PCDH9: variants seen among roughly 807,000 people sequenced by gnomAD.
The protein encoded by PCDH9 is protocadherin 9, also known as protocadherin-9.
A neutral mutation model predicts 70.6 loss-of-function variants in PCDH9; 24 were observed. The ratio of observed to expected loss-of-function variants is 0.34; its 90% CI spans 0.25 to 0.48. The LOEUF (loss-of-function observed/expected upper bound fraction) is 0.48, where lower values mean the gene tolerates loss of function less well. Among genes scored for constraint, PCDH9 ranks in the 20% least tolerant of loss-of-function variants. The probability of loss-of-function intolerance (pLI) is 0.99; values close to 1 mark genes in which losing one functional copy is unlikely to be tolerated. For missense variants in PCDH9, 1,281 were observed against 1,503.6 expected (o/e 0.85, Z 2.45); for synonymous variants, 562 against 558.5 (o/e 1.01, Z -0.09).
At chr13:66,469,023 G>C (rs1472408888) in intron 4 of PCDH9, among the ~76,000 whole-genome samples, 1 of 152,086 alleles carries the variant, frequency 6.6e-6, no homozygotes, top group East Asian at 1.9e-4. Flanking sequence ...TTGCACATGG[G>C]TGTGATTTTT....
At chr13:66,389,832 A>G (rs1427001848) in intron 4 of PCDH9, among the ~76,000 whole-genome samples, 2 of 152,198 alleles carry the variant, frequency 1.3e-5, no homozygotes, top group Non-Finnish European at 1.5e-5. Context: ...TATTCCAGAC[A>G]GTGATTTTGC....
intron 2 of PCDH9, among the ~76,000 whole-genome samples, chr13:66,921,330 C>T (rs529875510): frequency 3.3e-5 from 5 of 151,152 alleles, no homozygotes; most frequent in South Asian, 4.2e-4. Context: ...ATTGTATTTA[C>T]GTGAGAGAAA....
intron 4 of PCDH9, among the ~76,000 whole-genome samples, chr13:66,567,105 T>C (rs2076663940): frequency 6.6e-6 from 1 of 152,086 alleles, no homozygotes; most frequent in Non-Finnish European, 1.5e-5. Context: ...CTTTAGCCAG[T>C]CCTAAAGGAA....
intron 2 of PCDH9, among the ~76,000 whole-genome samples, chr13:66,938,764 A>G (rs2082958448): frequency 6.6e-6 from 1 of 152,204 alleles, no homozygotes; most frequent in Non-Finnish European, 1.5e-5. Context: ...TTGTTAAATT[A>G]ATATAATCAC....
At chr13:66,773,395 G>A (rs1006177263) in intron 3 of PCDH9, among the ~76,000 whole-genome samples, 10 of 152,044 alleles carry the variant, frequency 6.6e-5, no homozygotes, top group Non-Finnish European at 8.8e-5. Context: ...TTGGGAGGCC[G>A]GGGCGGGTGG....
intron 3 of PCDH9, among the ~76,000 whole-genome samples, chr13:66,848,095 C>T (rs1055679275): frequency 3.9e-5 from 6 of 152,034 alleles, no homozygotes; most frequent in Admixed American, 6.6e-5. Flanking sequence ...TGTATTTCAG[C>T]GTATCTCCTA....
At chr13:66,780,143 A>G (rs1424474309) in intron 3 of PCDH9, among the ~76,000 whole-genome samples, 4 of 152,010 alleles carry the variant, frequency 2.6e-5, no homozygotes, top group Non-Finnish European at 5.9e-5. Flanking sequence ...GAGATGATGC[A>G]TAAGTATGAT....
At chr13:66,809,067 C>G (rs970559403) in intron 3 of PCDH9, among the ~76,000 whole-genome samples, 2 of 152,174 alleles carry the variant, frequency 1.3e-5, no homozygotes, top group Admixed American at 1.3e-4. Context: ...CCTGCCTCAG[C>G]CTCCTGAGTA....
chr13:66,745,659 C>G (rs2079350385), intron 3 of PCDH9, among the ~76,000 whole-genome samples: 1 of 152,150 alleles, frequency 6.6e-6, no homozygotes, highest in Admixed American at 6.5e-5. Context: ...AACAGTCTGT[C>G]TAGAGCATGC....
At chr13:67,170,187 T>C (rs143726364) in intron 2 of PCDH9, among the ~76,000 whole-genome samples, 1 of 152,324 alleles carries the variant, frequency 6.6e-6, no homozygotes, top group East Asian at 1.9e-4. Context: ...CAAAGCTCTA[T>C]TTGGTATTTG....
chr13:66,864,783 T>A (rs963430214), intron 3 of PCDH9, among the ~76,000 whole-genome samples: 2 of 152,182 alleles, frequency 1.3e-5, no homozygotes, highest in African/African-American at 4.8e-5. Flanking sequence ...ATTAATCAGA[T>A]CTGAGGGTGT....
chr13:66,623,267 T>G (rs1186596269), intron 4 of PCDH9, among the ~76,000 whole-genome samples: 3 of 152,226 alleles, frequency 2.0e-5, no homozygotes, highest in Admixed American at 2.0e-4. Context: ...AAAGATAAGA[T>G]GAGTGTCCTA....
At chr13:66,953,986 A>T (rs960395193) in intron 2 of PCDH9, among the ~76,000 whole-genome samples, 6 of 152,182 alleles carry the variant, frequency 3.9e-5, no homozygotes, top group African/African-American at 1.4e-4. Flanking sequence ...TTTCAGGGAC[A>T]TGTGACAGCC....
chr13:67,225,025 T>A (rs964372497), intron 2 of PCDH9: 4 of 1,047,202 alleles, frequency 3.8e-6, no homozygotes, highest in Non-Finnish European at 4.6e-6. Flanking sequence ...TGAAGGTGAC[T>A]TTTTAGATCA....
intron 2 of PCDH9, among the ~76,000 whole-genome samples, chr13:67,064,684 A>C (rs962289204): frequency 6.6e-6 from 1 of 152,094 alleles, no homozygotes; most frequent in African/African-American, 2.4e-5. Context: ...AATCACAATA[A>C]ATGTCTCTCC....
At chr13:67,053,517 C>A (rs1479019963) in intron 2 of PCDH9, among the ~76,000 whole-genome samples, 1 of 152,092 alleles carries the variant, frequency 6.6e-6, no homozygotes, top group African/African-American at 2.4e-5. Flanking sequence ...CATTAGGGTA[C>A]ACAAAATATA....
chr13:67,130,509 G>C (rs991921709), intron 2 of PCDH9, among the ~76,000 whole-genome samples: 1 of 151,888 alleles, frequency 6.6e-6, no homozygotes, highest in Non-Finnish European at 1.5e-5. Flanking sequence ...CTCGGTCAAA[G>C]TGAAACATTT....
intron 4 of PCDH9, among the ~76,000 whole-genome samples, chr13:66,577,963 T>A (rs964463797): frequency 6.6e-5 from 10 of 152,046 alleles, no homozygotes; most frequent in African/African-American, 2.4e-4. Flanking sequence ...TAATTTCTGG[T>A]CCCTTAATCA....
At chr13:67,157,745 A>G (rs2087851454) in intron 2 of PCDH9, among the ~76,000 whole-genome samples, 1 of 152,238 alleles carries the variant, frequency 6.6e-6, no homozygotes, top group Admixed American at 6.5e-5. Context: ...CTTATTAAAT[A>G]TATTTTTCCT....
Sources: allele counts gnomAD v4.1 joint callset (sites outside exome capture counted in the v4.1 genomes callset), GRCh38; gene constraint gnomAD v4.1.1; transcripts MANE v1.5; gene names NCBI Gene and HGNC (gene_info 2026-07-23, HGNC 2026-07-21).